Variants in CCDC60 observed in about 807,000 individuals in gnomAD.
CCDC60 encodes coiled-coil domain-containing protein 60.
Under a neutral mutation model 63.5 loss-of-function variants are expected in CCDC60, and 54 were observed. The ratio of observed to expected loss-of-function variants is 0.85; its 90% confidence interval spans 0.68 to 1.07. The LOEUF is 1.07. CCDC60 is among the 50% of genes least tolerant of loss of function. CCDC60 has a pLI of 0.00. For synonymous variants in CCDC60, 206 were observed against 238.8 expected (o/e 0.86, Z 1.27); for missense variants, 651 against 684.3 (o/e 0.95, Z 0.54).
In CCDC60 at chr12:119,456,066, A is replaced by T. The variant is rs1322746142; in HGVS notation, c.171-15928A>T. Among the ~76,000 whole-genome samples, 1 of 95,044 alleles carries T rather than the reference A, an allele frequency of 1.1e-5. No homozygotes were observed. Among genetic ancestry groups the T allele is most frequent in the Non-Finnish European group, 2.1e-5 (1 of 46,912 alleles). The allele number at this position is 95,044 out of a possible 152,430, so 62.4% of individuals were successfully genotyped here. On this transcript the variant is annotated intron_variant, in intron 2 of 13. Coordinates refer to ENST00000327554, the MANE Select transcript of CCDC60 (RefSeq NM_178499.5). The surrounding 1 kb of genome is among the most constrained non-coding windows in gnomAD (Gnocchi z 4.6). ...AAGAAAGAAAGAAAGAAAGAAAGCAAGCAAGCATGTGCAATTTCAAGGGGG... is the reference window on the plus strand; with the variant it reads ...AAGAAAGAAAGAAAGAAAGAAAGCATGCAAGCATGTGCAATTTCAAGGGGG...
Position 119,488,846 on chromosome 12 carries a change from G to T in CCDC60, c.537G>T (p.Val179=). ...ACACCCACCACACCATGAAGCCTGTGATCACCTGCTGGAACCCAAAGTATG... is the reference window on the plus strand; with the variant it reads ...ACACCCACCACACCATGAAGCCTGTTATCACCTGCTGGAACCCAAAGTATG... ...IDHTHHTMKP[V]ITCWNPKDPG... is the part of the protein sequence containing the mutation. The change falls in exon 5 of 14, where the codon GTG becomes GTT. Residue 179 remains valine (V), a synonymous_variant. Coordinates refer to ENST00000327554, the MANE Select transcript of CCDC60 (RefSeq NM_178499.5). 2 of 1,614,148 alleles carry T rather than the reference G, an allele frequency of 1.2e-6. No homozygotes were observed. The highest frequency in any genetic ancestry group is 1.7e-6 in the Non-Finnish European group (2 of 1,179,992).
intron 1 of CCDC60, among the ~76,000 whole-genome samples, chr12:119,349,274 A>G (rs1174653630): frequency 6.6e-6 from 1 of 151,566 alleles, no homozygotes; most frequent in South Asian, 2.1e-4. Context: ...CATTGACTGC[A>G]TCTTATAACT....
intron 1 of CCDC60, among the ~76,000 whole-genome samples, chr12:119,383,829 C>T (rs1956033131): frequency 1.3e-5 from 2 of 152,126 alleles, no homozygotes; most frequent in African/African-American, 2.4e-5. Flanking sequence ...GATGGGTGAG[C>T]GTGTTATAAG....
chr12:119,343,866 C>T (rs1420913738), intron 1 of CCDC60, among the ~76,000 whole-genome samples: 1 of 151,684 alleles, frequency 6.6e-6, no homozygotes, highest in East Asian at 1.9e-4. Flanking sequence ...CATTCTCCTG[C>T]AAAAAACAAC....
intron 5 of CCDC60, among the ~76,000 whole-genome samples, chr12:119,496,349 CA>C (rs765751555): frequency 6.6e-6 from 1 of 152,208 alleles, no homozygotes; most frequent in Non-Finnish European, 1.5e-5. Flanking sequence ...CAGCCTGGAA[CA>C]AAATGTGCTT....
intron 1 of CCDC60, among the ~76,000 whole-genome samples, chr12:119,416,370 ACT>A (rs1432754779): frequency 1.3e-5 from 2 of 152,046 alleles, no homozygotes; most frequent in African/African-American, 2.4e-5. Context: ...CAAGAGCAAG[ACT>A]CTGTCTCAAA....
chr12:119,411,583 T>C (rs1256112675), intron 1 of CCDC60, among the ~76,000 whole-genome samples: 1 of 152,180 alleles, frequency 6.6e-6, no homozygotes, highest in African/African-American at 2.4e-5. Context: ...AAGACCCTTG[T>C]GATGGGTGAG....
At chr12:119,538,203 A>G (rs1269766982) in intron 13 of CCDC60, among the ~76,000 whole-genome samples, 1 of 152,240 alleles carries the variant, frequency 6.6e-6, no homozygotes, top group Non-Finnish European at 1.5e-5. Context: ...GCAATGCTCC[A>G]TGGGCATGGG....
chr12:119,504,446 C>T (rs1330803029), intron 6 of CCDC60, among the ~76,000 whole-genome samples: 2 of 152,196 alleles, frequency 1.3e-5, no homozygotes. Context: ...TCCAATTCTC[C>T]TAGCCCACTA....
chr12:119,538,765 A>C (rs549763844), intron 13 of CCDC60, among the ~76,000 whole-genome samples: 10 of 152,276 alleles, frequency 6.6e-5, no homozygotes, highest in Admixed American at 2.0e-4. Context: ...GGAGGAGAAG[A>C]AGCGTTCTGG....
chr12:119,363,466 A>G (rs1162230569), intron 1 of CCDC60, among the ~76,000 whole-genome samples: 1 of 150,764 alleles, frequency 6.6e-6, no homozygotes, highest in African/African-American at 2.5e-5. Context: ...GTGCCTTTTT[A>G]TTCCTTTAAT....
intron 1 of CCDC60, among the ~76,000 whole-genome samples, chr12:119,367,685 C>G (rs1411251731): frequency 1.3e-5 from 2 of 152,092 alleles, no homozygotes; most frequent in African/African-American, 2.4e-5. Flanking sequence ...GAATATTATT[C>G]AGTCATGAGA....
At chr12:119,482,784 G>T (rs1951355966) in intron 4 of CCDC60, among the ~76,000 whole-genome samples, 1 of 152,050 alleles carries the variant, frequency 6.6e-6, no homozygotes, top group Non-Finnish European at 1.5e-5. Context: ...GATCTTGGCT[G>T]GATGTGCTTA....
rs115747784 is a variant in CCDC60 at position 119,358,229 on chromosome 12, A to G, written c.90+22963A>G. Among the ~76,000 whole-genome samples, 1,206 of 152,312 alleles carry G rather than the reference A, an allele frequency of 7.9e-3. 14 individuals are homozygous for G. The highest frequency in any genetic ancestry group is 0.028 in the African/African-American group (1,150 of 41,564). On this transcript the variant is annotated intron_variant, in intron 1 of 13. Coordinates refer to ENST00000327554, the MANE Select transcript of CCDC60 (RefSeq NM_178499.5). The stretch of plus-strand genomic sequence containing the variant: ...GATCCAAACCATGTCAGGTGATTAC[A>G]TGCAATATTTGTCTTCCTGTGGCTG...
intron 13 of CCDC60, among the ~76,000 whole-genome samples, chr12:119,531,423 A>G (rs893480573): frequency 2.0e-5 from 3 of 152,226 alleles, no homozygotes; most frequent in African/African-American, 7.2e-5. Flanking sequence ...TCAATCTGCC[A>G]ACTCCAAGTT....
chr12:119,540,559 G>A (rs1953133471), intron 13 of CCDC60, 55 bp from the exon 14 acceptor site: 1 of 1,236,108 alleles, frequency 8.1e-7, no homozygotes, highest in Non-Finnish European at 1.2e-6. Context: ...GGGAGAGAAG[G>A]TGGAGTCTAC....
chr12:119,386,586 G>C (rs1956065099), intron 1 of CCDC60, among the ~76,000 whole-genome samples: 1 of 152,052 alleles, frequency 6.6e-6, no homozygotes, highest in Non-Finnish European at 1.5e-5. Context: ...CACATCTTTA[G>C]GAGTAGCCGT....
intron 1 of CCDC60, among the ~76,000 whole-genome samples, chr12:119,360,473 G>A (rs570570440): frequency 1.3e-5 from 2 of 151,000 alleles, no homozygotes; most frequent in Non-Finnish European, 2.9e-5. Flanking sequence ...CTGCCGGGCG[G>A]AGAGGCTCCT....
intron 1 of CCDC60, among the ~76,000 whole-genome samples, chr12:119,408,883 G>A (rs1431416406): frequency 6.6e-6 from 1 of 152,044 alleles, no homozygotes; most frequent in Non-Finnish European, 1.5e-5. Flanking sequence ...AACCTAATAA[G>A]TTTCTTGCTA....
Sources: gnomAD v4.1 joint callset for allele counts (sites outside exome capture counted in the v4.1 genomes callset) on GRCh38, gnomAD v4.1.1 for gene constraint, Gnocchi (gnomAD v3.1) non-coding constraint, MANE v1.5 for transcripts, NCBI Gene and HGNC (gene_info 2026-07-23, HGNC 2026-07-21) for gene names.